SH3BGRL2: variants seen among roughly 807,000 people sequenced by gnomAD.
SH3BGRL2 encodes SH3 domain-binding glutamic acid-rich-like protein 2.
Under a neutral mutation model 14.8 loss-of-function variants are expected in SH3BGRL2, and 21 were observed. The observed-to-expected ratio is 1.42, with a 90% confidence interval of 1.01 to 2.05. SH3BGRL2 has a LOEUF of 2.05. SH3BGRL2 is among the 30% of genes most tolerant of loss of function. The pLI is 0.00. For missense variants in SH3BGRL2, 147 were observed against 130.8 expected (o/e 1.12, Z -0.61); for synonymous variants, 50 against 47.8 (o/e 1.05, Z -0.19).
In SH3BGRL2 at chr6:79,702,199, A is replaced by C. The variant is rs886832456; in HGVS notation, c.*2690A>C. On this transcript the variant is annotated 3_prime_UTR_variant, in exon 4 of 4. Coordinates refer to ENST00000369838, the MANE Select transcript of SH3BGRL2 (RefSeq NM_031469.4). The stretch of plus-strand genomic sequence containing the variant: ...TATTCTAGATTTGTTTCTGTTTTAT[A>C]GATTTAATTCAATACCTCCACATAG... The C allele has an allele frequency of 6.6e-6, 1 of 152,650 alleles. No individual in the cohort carries two copies. The highest frequency in any genetic ancestry group is 2.4e-5 in the African/African-American group (1 of 41,468). 9.5% of individuals were successfully genotyped at this position (152,650 alleles called of 1,614,324 possible).
chr6:79,699,447 G>A (rs1404280359), intron 3 of SH3BGRL2, 51 bp from the exon 4 acceptor site: 2 of 1,320,138 alleles, frequency 1.5e-6, no homozygotes, highest in Non-Finnish European at 2.0e-6. Context: ...TCTTGTCGAT[G>A]TAATGCAATA....
chr6:79,658,024 G>A (rs983565451), intron 1 of SH3BGRL2, among the ~76,000 whole-genome samples: 5 of 152,154 alleles, frequency 3.3e-5, no homozygotes, highest in Admixed American at 6.6e-5. Flanking sequence ...CACGGGCAGG[G>A]CGGTAGTAAC....
chr6:79,623,158 T>C, the SH3BGRL2 span, among the ~76,000 whole-genome samples: 4 of 152,008 alleles, frequency 2.6e-5, no homozygotes, highest in Admixed American at 2.6e-4. Flanking sequence ...ATATAAAAAT[T>C]AGGCAGGCAT....
the SH3BGRL2 span, among the ~76,000 whole-genome samples, chr6:79,614,645 G>A: frequency 6.6e-6 from 1 of 152,138 alleles, no homozygotes; most frequent in Non-Finnish European, 1.5e-5. Flanking sequence ...TAGACTAAGT[G>A]TGTCCTCCCA....
At chr6:79,579,034 G>C in the SH3BGRL2 span, among the ~76,000 whole-genome samples, 1 of 152,192 alleles carries the variant, frequency 6.6e-6, no homozygotes, top group Admixed American at 6.5e-5. Flanking sequence ...ATTCGATCAA[G>C]TGGAAGAAAG....
chr6:79,547,601 T>G, the SH3BGRL2 span, among the ~76,000 whole-genome samples: 2 of 152,098 alleles, frequency 1.3e-5, no homozygotes, highest in Non-Finnish European at 2.9e-5. Context: ...CTCCCCAACA[T>G]TAGTCCGTTC....
At chr6:79,689,238 T>G (rs1230086434) in intron 2 of SH3BGRL2, among the ~76,000 whole-genome samples, 2 of 152,122 alleles carry the variant, frequency 1.3e-5, no homozygotes, top group Non-Finnish European at 2.9e-5. Context: ...AATAAAAATT[T>G]CTATTCTTTT....
chr6:79,588,719 TAAC>T, the SH3BGRL2 span, among the ~76,000 whole-genome samples: 70 of 152,250 alleles, frequency 4.6e-4, no homozygotes, highest in Middle Eastern at 0.024. Context: ...TAGGTATTAT[TAAC>T]AACAATTAAT....
At chr6:79,589,605 A>G in the SH3BGRL2 span, among the ~76,000 whole-genome samples, 1 of 152,130 alleles carries the variant, frequency 6.6e-6, no homozygotes, top group Non-Finnish European at 1.5e-5. Context: ...AGTTGAAGAG[A>G]TTGGGTCTTC....
the SH3BGRL2 span, among the ~76,000 whole-genome samples, chr6:79,550,102 T>A: frequency 1.3e-5 from 2 of 152,174 alleles, no homozygotes; most frequent in Non-Finnish European, 2.9e-5. Flanking sequence ...TTCCAAGTTC[T>A]CTATCTCAAA....
intron 1 of SH3BGRL2, among the ~76,000 whole-genome samples, chr6:79,638,532 A>G (rs1353779135): frequency 6.6e-6 from 1 of 152,036 alleles, no homozygotes; most frequent in South Asian, 2.1e-4. Context: ...CATACTGTTC[A>G]CTATAATGGC....
the SH3BGRL2 span, among the ~76,000 whole-genome samples, chr6:79,558,560 T>A: frequency 1.3e-5 from 2 of 152,080 alleles, no homozygotes; most frequent in South Asian, 2.1e-4. Flanking sequence ...TCTTCATAAG[T>A]TCTCTGTGAC....
chr6:79,571,673 C>G, the SH3BGRL2 span, among the ~76,000 whole-genome samples: 4 of 152,154 alleles, frequency 2.6e-5, no homozygotes, highest in African/African-American at 4.8e-5. Flanking sequence ...CCTTTGATCA[C>G]AGCCAAGTCC....
chr6:79,649,997 A>T (rs1263924540), intron 1 of SH3BGRL2, among the ~76,000 whole-genome samples: 2 of 151,698 alleles, frequency 1.3e-5, no homozygotes, highest in East Asian at 1.9e-4. Context: ...ACACACACAC[A>T]CACACACACA....
the SH3BGRL2 span, among the ~76,000 whole-genome samples, chr6:79,579,762 G>T: frequency 6.6e-6 from 1 of 152,066 alleles, no homozygotes; most frequent in African/African-American, 2.4e-5. Flanking sequence ...AATAACCAGC[G>T]AACATCATAA....
At chr6:79,594,533 C>A in the SH3BGRL2 span, among the ~76,000 whole-genome samples, 1 of 152,090 alleles carries the variant, frequency 6.6e-6, no homozygotes, top group Non-Finnish European at 1.5e-5. Flanking sequence ...TGTGTTCCTT[C>A]TGCTTGGGCG....
At chr6:79,626,809 C>T (rs1768735167), upstream of SH3BGRL2, among the ~76,000 whole-genome samples, 1 of 152,202 alleles carries the variant, frequency 6.6e-6, no homozygotes, top group Non-Finnish European at 1.5e-5. Context: ...TTGGATCTTC[C>T]TCACCTCTCT....
At chr6:79,623,937 C>T in the SH3BGRL2 span, among the ~76,000 whole-genome samples, 1 of 152,120 alleles carries the variant, frequency 6.6e-6, no homozygotes. Context: ...TCCTCTATTG[C>T]AATTATTTTA....
the SH3BGRL2 span, among the ~76,000 whole-genome samples, chr6:79,615,339 C>T: frequency 1.3e-5 from 2 of 152,142 alleles, no homozygotes; most frequent in Admixed American, 6.5e-5. Flanking sequence ...TGATATTGTT[C>T]GAAAAAAATA....
Sources: allele counts gnomAD v4.1 joint callset (sites outside exome capture counted in the v4.1 genomes callset), GRCh38; gene constraint gnomAD v4.1.1; transcripts MANE v1.5; gene names NCBI Gene and HGNC (gene_info 2026-07-23, HGNC 2026-07-21).